The following ITGB3BP variants were observed in gnomAD, a reference collection of about 807,000 sequenced individuals.
ITGB3BP encodes centromere protein R.
ITGB3BP carries 27 observed loss-of-function variants against 29.1 expected under a neutral mutation model. The observed-to-expected ratio is 0.93, with a 90% CI of 0.68 to 1.28. ITGB3BP has a LOEUF of 1.28. Ranked by LOEUF, ITGB3BP falls within the 50% of genes most tolerant of loss-of-function variation. The pLI is 0.00. For missense variants in ITGB3BP, 192 were observed against 200.2 expected (o/e 0.96, Z 0.25); for synonymous variants, 61 against 61.4 (o/e 0.99, Z 0.03).
chr1:63,478,845 T>A lies in ITGB3BP; in HGVS notation c.185-12A>T. On this transcript the variant is annotated splice_polypyrimidine_tract_variant and intron_variant, in intron 3 of 8. Transcript: ENST00000271002. ...TTTTTTTCTCTTTTCTATATATGTG[T>A]AATAAAGAAAAGGACATAAAGTTAA... The A allele has an allele frequency of 9.8e-7, 1 of 1,018,258 alleles. No homozygotes were observed. The highest frequency in any genetic ancestry group is 1.4e-6 in the Non-Finnish European group (1 of 703,404). 63.1% of individuals were successfully genotyped at this position (1,018,258 alleles called of 1,614,324 possible). A position where few individuals can be genotyped will look rare whatever the true frequency, so the allele number is the denominator to read the frequency against.
At chr1:63,471,222 T>G (rs1443108854) in intron 4 of ITGB3BP, among the ~76,000 whole-genome samples, 1 of 151,936 alleles carries the variant, frequency 6.6e-6, no homozygotes. Flanking sequence ...CCCCTTTTAT[T>G]GTTGGCATTT....
intron 7 of ITGB3BP, among the ~76,000 whole-genome samples, chr1:63,450,364 T>C (rs1405325730): frequency 6.6e-6 from 1 of 152,000 alleles, no homozygotes. Flanking sequence ...ACAATTTGCT[T>C]ACATTCTTTT....
Position 63,478,373 on chromosome 1 carries a change from A to G in ITGB3BP, c.254+391T>C, listed in dbSNP as rs372342712. On this transcript the variant is annotated intron_variant, in intron 4 of 8. Coordinates refer to ENST00000271002, the MANE Select transcript of ITGB3BP (RefSeq NM_014288.5). The stretch of plus-strand genomic sequence containing the variant: ...GCATGTAGGCCTTCCAGGTTCCTCT[A>G]GATCTCTCACTCTGCTGGCTTCACT... Among the ~76,000 whole-genome samples the G allele has an allele frequency of 2.4e-4, 36 of 152,350 alleles. No homozygotes were observed. In the South Asian group the frequency reaches 7.5e-3, roughly 32 times the overall value.
intron 2 of ITGB3BP, among the ~76,000 whole-genome samples, chr1:63,500,457 A>G (rs1467324091): frequency 6.6e-6 from 1 of 152,220 alleles, no homozygotes; most frequent in Non-Finnish European, 1.5e-5. Flanking sequence ...TATGATCCAT[A>G]TGTAAAAATC....
chr1:63,523,410 G>C (rs1391736780), upstream of ITGB3BP: 20 of 532,798 alleles, frequency 3.8e-5, no homozygotes, highest in Non-Finnish European at 6.4e-5. Flanking sequence ...TACCACCCCC[G>C]CGATAGAGGA....
At chr1:63,502,888 C>T (rs1461548353) in intron 2 of ITGB3BP, among the ~76,000 whole-genome samples, 1 of 152,116 alleles carries the variant, frequency 6.6e-6, no homozygotes, top group African/African-American at 2.4e-5. Flanking sequence ...GCATATGTGA[C>T]ACATTTTCTT....
chr1:63,476,895 A>G (rs943152542), intron 4 of ITGB3BP, among the ~76,000 whole-genome samples: 4 of 152,232 alleles, frequency 2.6e-5, no homozygotes, highest in Admixed American at 6.5e-5. Context: ...TCCTGTGTAC[A>G]TATATTTCCT....
intron 8 of ITGB3BP, among the ~76,000 whole-genome samples, chr1:63,442,316 C>T (rs1164232649): frequency 6.6e-6 from 1 of 152,218 alleles, no homozygotes; most frequent in African/African-American, 2.4e-5. Context: ...TTACTAGTAA[C>T]ATTACACAAA....
At chr1:63,523,517 T>C (rs1646513371), upstream of ITGB3BP, 2 of 289,516 alleles carry the variant, frequency 6.9e-6, no homozygotes, top group Admixed American at 9.6e-5. Flanking sequence ...CCGGTGGCGG[T>C]GAGGTGCAGT....
chr1:63,527,332 CTT>C (rs911935353), upstream of ITGB3BP, among the ~76,000 whole-genome samples: 9 of 152,296 alleles, frequency 5.9e-5, no homozygotes, highest in African/African-American at 2.2e-4. Flanking sequence ...GGAATACTCT[CTT>C]AACGTTGTAA....
chr1:63,464,006 T>C (rs958354420), intron 4 of ITGB3BP, among the ~76,000 whole-genome samples: 33 of 151,980 alleles, frequency 2.2e-4, no homozygotes, highest in African/African-American at 7.7e-4. Context: ...GAAATAAACA[T>C]AGGAAAGGTA....
chr1:63,512,982 T>C (rs573223406), intron 1 of ITGB3BP, among the ~76,000 whole-genome samples: 1 of 152,296 alleles, frequency 6.6e-6, no homozygotes, highest in South Asian at 2.1e-4. Context: ...TATCCCTCAA[T>C]TTGGGCCTAT....
intron 8 of ITGB3BP, among the ~76,000 whole-genome samples, chr1:63,444,655 A>AATATATATATATATATATATAT (rs990042354): frequency 1.7e-5 from 2 of 117,842 alleles, no homozygotes; most frequent in Admixed American, 1.8e-4. Context: ...CTCCTATTAC[A>AATATATATATATATATATATAT]ATATATATAT....
rs548384452 is a variant in ITGB3BP, at chr1:63,503,724, T to C, written c.48+4804A>G. ...AGGAAGGGATCCAGTTTCAGCTTTC[T>C]ACGTATGGCTAGCCAGTTTTCCCAG... On this transcript the variant is annotated intron_variant, in intron 2 of 8. Coordinates refer to ENST00000271002, the MANE Select transcript of ITGB3BP (RefSeq NM_014288.5). Among the ~76,000 whole-genome samples, 73 of 152,358 alleles carry C rather than the reference T, an allele frequency of 4.8e-4. 1 individual carries two copies. The East Asian group carries it at 0.014, about 29-fold the overall frequency.
At chr1:63,499,964 A>G (rs1331995459) in intron 2 of ITGB3BP, among the ~76,000 whole-genome samples, 1 of 152,196 alleles carries the variant, frequency 6.6e-6, no homozygotes, top group Non-Finnish European at 1.5e-5. Flanking sequence ...CTTCTACTTA[A>G]TATTTTTCAG....
intron 2 of ITGB3BP, among the ~76,000 whole-genome samples, chr1:63,492,712 A>T (rs1250511342): frequency 6.6e-6 from 1 of 152,068 alleles, no homozygotes; most frequent in Non-Finnish European, 1.5e-5. Flanking sequence ...AAACAGGAAG[A>T]AAGAGTAAGA....
chr1:63,511,337 C>T (rs998658252), intron 1 of ITGB3BP, among the ~76,000 whole-genome samples: 4 of 152,074 alleles, frequency 2.6e-5, no homozygotes, highest in Admixed American at 1.3e-4. Context: ...TCCCTGTGTA[C>T]TGCTGGTGGG....
intron 3 of ITGB3BP, among the ~76,000 whole-genome samples, chr1:63,486,769 T>C (rs2100659034): frequency 6.6e-6 from 1 of 152,140 alleles, no homozygotes; most frequent in South Asian, 2.1e-4. Flanking sequence ...GTTTCCAGCA[T>C]AGCCCTAAAC....
intron 4 of ITGB3BP, among the ~76,000 whole-genome samples, chr1:63,472,901 T>C (rs1469483397): frequency 6.6e-6 from 1 of 152,134 alleles, no homozygotes; most frequent in African/African-American, 2.4e-5. Flanking sequence ...CGCCACCCCG[T>C]CTGGGAAGTG....
Sources: gnomAD v4.1 joint callset for allele counts (sites outside exome capture counted in the v4.1 genomes callset) on GRCh38, gnomAD v4.1.1 for gene constraint, MANE v1.5 for transcripts, NCBI Gene and HGNC (gene_info 2026-07-23, HGNC 2026-07-21) for gene names.